The following NXPE2 variants were observed in gnomAD, a reference collection of about 807,000 sequenced individuals.
The protein encoded by NXPE2 is neurexophilin and PC-esterase domain family member 2.
A neutral mutation model predicts 34.4 loss-of-function variants in NXPE2; 34 were observed. The observed-to-expected ratio is 0.99, with a 90% CI of 0.75 to 1.31. The LOEUF (loss-of-function observed/expected upper bound fraction) is 1.31, where lower values mean the gene tolerates loss of function less well. NXPE2 is among the 40% of genes most tolerant of loss of function. The pLI is 0.00. For missense variants in NXPE2, 649 were observed against 672.5 expected (o/e 0.97, Z 0.39); for synonymous variants, 235 against 231.3 (o/e 1.02, Z -0.15).
chr11:114,617,992 G>T, the NXPE2 span, among the ~76,000 whole-genome samples: 15 of 150,884 alleles, frequency 9.9e-5, no homozygotes, highest in Non-Finnish European at 7.4e-5. Context: ...GTGTTGCCTC[G>T]TGGGTAACCA....
At chr11:114,567,342 T>A in the NXPE2 span, among the ~76,000 whole-genome samples, 1 of 152,024 alleles carries the variant, frequency 6.6e-6, no homozygotes, top group South Asian at 2.1e-4. Flanking sequence ...GGTTCATGAT[T>A]GCCTGAACCC....
At chr11:114,641,526 T>G in the NXPE2 span, among the ~76,000 whole-genome samples, 1 of 152,060 alleles carries the variant, frequency 6.6e-6, no homozygotes, top group Non-Finnish European at 1.5e-5. Flanking sequence ...GAGGGAAATA[T>G]GTAACTGTAC....
the NXPE2 span, among the ~76,000 whole-genome samples, chr11:114,654,835 C>G: frequency 6.6e-6 from 1 of 152,068 alleles, no homozygotes; most frequent in Non-Finnish European, 1.5e-5. Context: ...GATATATACC[C>G]AGTAATGGGA....
the NXPE2 span, among the ~76,000 whole-genome samples, chr11:114,638,441 G>C: frequency 6.6e-6 from 1 of 151,856 alleles, no homozygotes; most frequent in African/African-American, 2.4e-5. Context: ...TAGTTTGATT[G>C]TCTGAAGCCT....
chr11:114,561,961 A>G, the NXPE2 span, among the ~76,000 whole-genome samples: 7 of 152,008 alleles, frequency 4.6e-5, no homozygotes, highest in African/African-American at 1.7e-4. Context: ...TCTTTATTTC[A>G]CGTATCATAT....
At chr11:114,803,436 A>G in the NXPE2 span, among the ~76,000 whole-genome samples, 174 of 152,308 alleles carry the variant, frequency 1.1e-3, no homozygotes, top group African/African-American at 4.0e-3. Context: ...GCAGAAATTT[A>G]TTTCTCACAG....
the NXPE2 span, among the ~76,000 whole-genome samples, chr11:114,647,755 AC>A: frequency 6.6e-6 from 1 of 150,988 alleles, no homozygotes; most frequent in Non-Finnish European, 1.5e-5. Context: ...AGGCTGGAGT[AC>A]AGTGGCATGA....
chr11:114,791,702 G>A, the NXPE2 span, among the ~76,000 whole-genome samples: 10 of 152,330 alleles, frequency 6.6e-5, no homozygotes, highest in South Asian at 1.0e-3. Context: ...GCCACCAAGG[G>A]TGAACTGGAG....
At chr11:114,591,311 C>A in the NXPE2 span, among the ~76,000 whole-genome samples, 1 of 152,144 alleles carries the variant, frequency 6.6e-6, no homozygotes, top group Admixed American at 6.5e-5. Context: ...GCTCATGCTA[C>A]CATTTGGAAG....
the NXPE2 span, among the ~76,000 whole-genome samples, chr11:114,656,726 T>C: frequency 6.6e-6 from 1 of 152,126 alleles, no homozygotes; most frequent in Non-Finnish European, 1.5e-5. Context: ...AAATTAATTA[T>C]ATGAAAAATA....
the NXPE2 span, among the ~76,000 whole-genome samples, chr11:114,779,208 G>T: frequency 6.6e-6 from 1 of 152,222 alleles, no homozygotes; most frequent in African/African-American, 2.4e-5. Flanking sequence ...GAGCTCTGTA[G>T]TGTCTCTTCA....
At chr11:114,774,099 G>A in the NXPE2 span, among the ~76,000 whole-genome samples, 2 of 152,160 alleles carry the variant, frequency 1.3e-5, no homozygotes, top group African/African-American at 4.8e-5. Context: ...GTGAAGCTCA[G>A]CAGTTTCTCT....
chr11:114,481,050 G>A, the NXPE2 span, among the ~76,000 whole-genome samples: 1 of 152,094 alleles, frequency 6.6e-6, no homozygotes, highest in Admixed American at 6.6e-5. Flanking sequence ...TCTATCCCAG[G>A]GGATAAATAA....
At chr11:114,678,295 C>T, upstream of NXPE2, 1 of 303,192 alleles carries the variant, frequency 3.3e-6, no homozygotes, top group Non-Finnish European at 6.2e-6. Context: ...AAAGCCTTAA[C>T]CAAAGGTGAC....
the NXPE2 span, among the ~76,000 whole-genome samples, chr11:114,629,160 T>G: frequency 6.6e-6 from 1 of 152,094 alleles, no homozygotes; most frequent in South Asian, 2.1e-4. Flanking sequence ...GAACCCTCCC[T>G]AACTCATTTT....
the NXPE2 span, among the ~76,000 whole-genome samples, chr11:114,588,480 AG>A: frequency 2.0e-5 from 3 of 152,330 alleles, no homozygotes; most frequent in South Asian, 6.2e-4. Flanking sequence ...AAAAACAGGC[AG>A]CTCTGCAGGC....
At chr11:114,803,586 T>TC in the NXPE2 span, among the ~76,000 whole-genome samples, 17 of 33,502 alleles carry the variant, frequency 5.1e-4, no homozygotes, top group South Asian at 7.8e-3. Context: ...CTCTCTCTCT[T>TC]TTTTTTTTTG....
chr11:114,805,453 A>G, the NXPE2 span, among the ~76,000 whole-genome samples: 3 of 152,230 alleles, frequency 2.0e-5, no homozygotes, highest in East Asian at 5.8e-4. Context: ...GAAAGGGGTG[A>G]CAGACACCAC....
the NXPE2 span, among the ~76,000 whole-genome samples, chr11:114,667,097 GC>G: frequency 6.6e-6 from 1 of 152,056 alleles, no homozygotes; most frequent in Non-Finnish European, 1.5e-5. Flanking sequence ...TTCTAACTGT[GC>G]TGTGATGGCC....
Sources: allele counts gnomAD v4.1 joint callset (sites outside exome capture counted in the v4.1 genomes callset), GRCh38; gene constraint gnomAD v4.1.1; transcripts MANE v1.5; gene names NCBI Gene and HGNC (gene_info 2026-07-23, HGNC 2026-07-21).